MED13: variants seen among roughly 807,000 people sequenced by gnomAD.
MED13 encodes mediator complex subunit 13, also known as mediator of RNA polymerase II transcription subunit 13.
Under a neutral mutation model 225.2 loss-of-function variants are expected in MED13, and 23 were observed. The ratio of observed to expected loss-of-function variants is 0.10; its 90% CI spans 0.07 to 0.14. The LOEUF is 0.14. Among genes scored for constraint, MED13 ranks in the 10% least tolerant of loss-of-function variants. The probability of loss-of-function intolerance (pLI) is 1.00; values close to 1 mark genes in which losing one functional copy is unlikely to be tolerated. For synonymous variants in MED13, 942 were observed against 889.2 expected (o/e 1.06, Z -1.06); for missense variants, 2,197 against 2,594.5 (o/e 0.85, Z 3.33).
rs567706140 is a variant in MED13 at position 61,944,741 on chromosome 17, T to C, written c.*1727A>G. 97 of 152,578 alleles carry C rather than the reference T, an allele frequency of 6.4e-4. No homozygotes were observed. Among genetic ancestry groups the C allele is most frequent in the African/African-American group, 2.3e-3 (96 of 41,540 alleles). 9.5% of individuals were successfully genotyped at this position (152,578 alleles called of 1,614,324 possible). On this transcript the variant is annotated 3_prime_UTR_variant, in exon 30 of 30. Coordinates refer to ENST00000397786, the MANE Select transcript of MED13 (RefSeq NM_005121.3). ...TTGTAAATACAACTGATTTTGTCCT[T>C]GTAGATAATTAGTGAACGTACAAAT...
In MED13 at chr17:61,946,260, C is replaced by A; in HGVS notation, c.*208G>T. The A allele has an allele frequency of 4.2e-6, 2 of 477,954 alleles. No homozygotes were observed. Among genetic ancestry groups the A allele is most frequent in the South Asian group, 4.5e-5 (1 of 22,060 alleles). 29.6% of individuals were successfully genotyped at this position (477,954 alleles called of 1,614,324 possible). ...AATGTTATAATACGTTTTGTATGAT[C>A]AGTCATCATCCTAAAGAGTTCAATA... is the stretch of plus-strand genomic sequence containing the variant. On this transcript the variant is annotated 3_prime_UTR_variant, in exon 30 of 30. Transcript: ENST00000397786.
At chr17:61,982,071 C>T (rs1363065101) in intron 16 of MED13, 127 bp downstream of exon 16, 1 of 802,808 alleles carries the variant, frequency 1.2e-6, no homozygotes, top group African/African-American at 1.7e-5. Context: ...AAACATCATC[C>T]ATAAAGAGTT....
At chr17:62,011,590 T>G (rs986863970) in intron 8 of MED13, among the ~76,000 whole-genome samples, 1 of 152,210 alleles carries the variant, frequency 6.6e-6, no homozygotes, top group African/African-American at 2.4e-5. Context: ...ATTTACTCAT[T>G]TTTAAATGTA....
intron 23 of MED13, among the ~76,000 whole-genome samples, chr17:61,958,011 C>CGTGCGA (rs1491556206): frequency 6.7e-6 from 1 of 150,052 alleles, no homozygotes; most frequent in Non-Finnish European, 1.5e-5. Flanking sequence ...ACTACAGGCG[C>CGTGCGA]CCGCCACTAC....
intron 18 of MED13, among the ~76,000 whole-genome samples, chr17:61,967,058 A>G (rs2080065224): frequency 6.6e-6 from 1 of 152,162 alleles, no homozygotes; most frequent in Non-Finnish European, 1.5e-5. Context: ...CCTAAATCAA[A>G]GCAAAATAAA....
intron 15 of MED13, 73 bp downstream of exon 15, chr17:61,984,098 C>A: frequency 9.0e-7 from 1 of 1,114,372 alleles, no homozygotes; most frequent in South Asian, 2.7e-5. Flanking sequence ...TTCCAGCATA[C>A]CAGGTAAATC....
rs2079827126 is a variant in MED13, at chr17:61,943,124, T to G, written c.*3344A>C. 1 of 152,548 alleles carries G rather than the reference T, an allele frequency of 6.6e-6. No homozygotes were observed. Among genetic ancestry groups the G allele is most frequent in the Non-Finnish European group, 1.5e-5 (1 of 68,016 alleles). The allele number at this position is 152,548 out of a possible 1,614,324, so 9.4% of individuals were successfully genotyped here. On this transcript the variant is annotated 3_prime_UTR_variant, in exon 30 of 30. Coordinates refer to ENST00000397786, the MANE Select transcript of MED13 (RefSeq NM_005121.3). Reference sequence around the variant, plus strand: ...AAAAGACCCCCCAAAAAGTTAAGATTTCCAGCTTATTTCTGGAGGGGTGGG... The same window carrying G: ...AAAAGACCCCCCAAAAAGTTAAGATGTCCAGCTTATTTCTGGAGGGGTGGG...
chr17:61,984,620 T>C (rs1461504982), intron 14 of MED13, 31 bp downstream of exon 14: 1 of 1,530,118 alleles, frequency 6.5e-7, no homozygotes, highest in East Asian at 2.3e-5. Flanking sequence ...ATATAGGAAG[T>C]GAATTATTTT....
chr17:62,022,192 T>C (rs2080655610), intron 8 of MED13, among the ~76,000 whole-genome samples: 1 of 148,822 alleles, frequency 6.7e-6, no homozygotes, highest in Admixed American at 6.7e-5. Flanking sequence ...TATATATATA[T>C]ATATTCTTAA....
intron 8 of MED13, among the ~76,000 whole-genome samples, chr17:62,018,307 T>TA (rs1280621717): frequency 1.3e-5 from 2 of 152,140 alleles, no homozygotes; most frequent in Admixed American, 1.3e-4. Flanking sequence ...AATGAAAAGT[T>TA]AACAGTACAA....
chr17:62,003,599 C>CAAAAAAAAAAAAAAAAAAAAAAAACAA (rs34451831), intron 9 of MED13: 1 of 51,744 alleles, frequency 1.9e-5, no homozygotes, highest in African/African-American at 8.0e-5. Flanking sequence ...CAGCAAAACT[C>CAAAAAAAAAAAAAAAAAAAAAAAACAA]AAAAAAAAAA....
chr17:62,049,332 A>C (rs1254593422), intron 3 of MED13, among the ~76,000 whole-genome samples: 1 of 152,216 alleles, frequency 6.6e-6, no homozygotes, highest in Non-Finnish European at 1.5e-5. Flanking sequence ...CTACTGATGA[A>C]CTACCAACAG....
chr17:61,974,471 G>C (rs1159131454), intron 16 of MED13, among the ~76,000 whole-genome samples: 2 of 151,942 alleles, frequency 1.3e-5, no homozygotes, highest in African/African-American at 2.4e-5. Flanking sequence ...TTACCTGCAT[G>C]ACAAAATAAT....
At chr17:61,998,780 G>C (rs967191698) in intron 9 of MED13, among the ~76,000 whole-genome samples, 1 of 151,252 alleles carries the variant, frequency 6.6e-6, no homozygotes, top group Non-Finnish European at 1.5e-5. Context: ...TTTATTTTTT[G>C]TAGAGACAGG....
At chr17:62,016,883 G>T (rs1027216374) in intron 8 of MED13, among the ~76,000 whole-genome samples, 2 of 151,850 alleles carry the variant, frequency 1.3e-5, no homozygotes, top group Admixed American at 1.3e-4. Flanking sequence ...GGTGGCAGGC[G>T]CCTGTAATCC....
At chr17:62,022,174 A>ATATATAT (rs1555640204) in intron 8 of MED13, among the ~76,000 whole-genome samples, 1 of 141,278 alleles carries the variant, frequency 7.1e-6, no homozygotes, top group Non-Finnish European at 1.5e-5. Context: ...TCAAAAAAAA[A>ATATATAT]ATATATATAT....
chr17:61,965,173 T>C lies in MED13; in HGVS notation c.4677A>G (p.Pro1559=). The change falls in exon 20 of 30, where the codon CCA becomes CCG. Residue 1559 remains proline, a synonymous_variant. Coordinates refer to ENST00000397786, the MANE Select transcript of MED13 (RefSeq NM_005121.3). The part of the protein sequence containing the change: ...GVSSNKLPSF[P]PFGSMNSNAA... Reference sequence around the variant, plus strand: ...CATTACTGTTCATACTGCCAAAGGGTGGAAACGAAGGTAGTTTATTTGATG... The same window carrying C: ...CATTACTGTTCATACTGCCAAAGGGCGGAAACGAAGGTAGTTTATTTGATG... 1 of 1,614,038 alleles carries C rather than the reference T, an allele frequency of 6.2e-7. No homozygotes were observed. Among genetic ancestry groups the C allele is most frequent in the Non-Finnish European group, 8.5e-7 (1 of 1,180,012 alleles).
chr17:62,055,778 C>T (rs78702501), intron 2 of MED13, among the ~76,000 whole-genome samples: 2 of 151,944 alleles, frequency 1.3e-5, no homozygotes, highest in African/African-American at 2.4e-5. Flanking sequence ...ACCGAGATCA[C>T]GCCACTGCAC....
intron 28 of MED13, among the ~76,000 whole-genome samples, chr17:61,949,884 C>A (rs2079882515): frequency 6.6e-6 from 1 of 151,902 alleles, no homozygotes; most frequent in African/African-American, 2.4e-5. Context: ...GGGGTCTCAC[C>A]ATGTTGGCCA....
Sources: gnomAD v4.1 joint callset for allele counts (sites outside exome capture counted in the v4.1 genomes callset) on GRCh38, gnomAD v4.1.1 for gene constraint, MANE v1.5 for transcripts, NCBI Gene and HGNC (gene_info 2026-07-23, HGNC 2026-07-21) for gene names.